UTRN: variants seen among roughly 807,000 people sequenced by gnomAD.
UTRN encodes dystrophin-related protein 1.
A neutral mutation model predicts 463.9 loss-of-function variants in UTRN; 283 were observed. The ratio of observed to expected loss-of-function variants is 0.61; its 90% CI spans 0.55 to 0.67. The LOEUF (loss-of-function observed/expected upper bound fraction) is 0.67. Among genes scored for constraint, UTRN ranks in the 30% least tolerant of loss-of-function variants. The pLI, the probability that UTRN is intolerant of heterozygous loss-of-function variation, is 0.00. For synonymous variants in UTRN, 1,442 were observed against 1,431.5 expected (o/e 1.01, Z -0.17); for missense variants, 3,922 against 4,084.3 (o/e 0.96, Z 1.08).
chr6:144,498,576 C>T (rs754794957), intron 33 of UTRN, among the ~76,000 whole-genome samples: 1 of 151,974 alleles, frequency 6.6e-6, no homozygotes. Context: ...ATCTTATGTT[C>T]AAAATTATAA....
intron 52 of UTRN, among the ~76,000 whole-genome samples, chr6:144,692,156 T>A (rs1354292714): frequency 6.6e-6 from 1 of 152,202 alleles, no homozygotes; most frequent in Non-Finnish European, 1.5e-5. Flanking sequence ...GGTTTTCTGT[T>A]CCTGCATTAG....
intron 2 of UTRN, among the ~76,000 whole-genome samples, chr6:144,357,229 AAGGGT>A (rs1778642954): frequency 6.6e-6 from 1 of 152,204 alleles, no homozygotes; most frequent in Non-Finnish European, 1.5e-5. Context: ...GTGGCTCAGC[AAGGGT>A]AGGAGCCTGT....
intron 53 of UTRN, among the ~76,000 whole-genome samples, chr6:144,725,152 G>C (rs1279219149): frequency 6.6e-6 from 1 of 152,196 alleles, no homozygotes; most frequent in African/African-American, 2.4e-5. Flanking sequence ...TTCCCATGCT[G>C]TTTTTGTGAT....
intron 54 of UTRN, among the ~76,000 whole-genome samples, chr6:144,736,380 G>A (rs80148372): frequency 0.018 from 2,745 of 152,232 alleles, 71 homozygotes; most frequent in African/African-American, 0.06. Flanking sequence ...CCAAGATGGA[G>A]TCACCTCTTT....
chr6:144,449,090 C>A (rs992210065), intron 17 of UTRN, among the ~76,000 whole-genome samples: 1 of 152,058 alleles, frequency 6.6e-6, no homozygotes, highest in Non-Finnish European at 1.5e-5. Flanking sequence ...TCTTTTTATT[C>A]TTTCTTTCAC....
chr6:144,688,313 C>T (rs1782959631), intron 52 of UTRN, among the ~76,000 whole-genome samples: 2 of 151,888 alleles, frequency 1.3e-5, no homozygotes, highest in Non-Finnish European at 1.5e-5. Flanking sequence ...TCACTTTTCT[C>T]TTGTATCTGG....
intron 2 of UTRN, among the ~76,000 whole-genome samples, chr6:144,374,399 T>C (rs1309002090): frequency 6.6e-6 from 1 of 152,002 alleles, no homozygotes; most frequent in East Asian, 2.0e-4. Flanking sequence ...CCCAGCACTT[T>C]GGGAGGCCAA....
intron 13 of UTRN, among the ~76,000 whole-genome samples, chr6:144,441,559 T>A (rs1787164166): frequency 6.6e-6 from 1 of 152,162 alleles, no homozygotes; most frequent in Non-Finnish European, 1.5e-5. Flanking sequence ...CTTTCATGGG[T>A]CAGTGTTGAG....
At chr6:144,797,738 T>A in intron 63 of UTRN, 86 bp from the exon 64 acceptor site, 1 of 1,407,396 alleles carries the variant, frequency 7.1e-7, no homozygotes, top group Non-Finnish European at 9.6e-7. Flanking sequence ...TCTGCACAAA[T>A]TTTCAGAAGA....
intron 65 of UTRN, among the ~76,000 whole-genome samples, chr6:144,819,434 C>T (rs925025677): frequency 5.9e-5 from 9 of 152,008 alleles, no homozygotes; most frequent in African/African-American, 2.2e-4. Context: ...GTGGCTCACA[C>T]CTGTAATCCC....
At chr6:144,754,531 CTTTTTT>C (rs34213856) in intron 56 of UTRN, among the ~76,000 whole-genome samples, 183 bp from the exon 57 acceptor site, 1 of 112,128 alleles carries the variant, frequency 8.9e-6, no homozygotes. Context: ...CAGAAGGAGT[CTTTTTT>C]TTTTTTTTTT....
chr6:144,524,097 C>G (rs1036494243), intron 41 of UTRN, among the ~76,000 whole-genome samples: 13 of 152,194 alleles, frequency 8.5e-5, no homozygotes, highest in African/African-American at 3.1e-4. Context: ...CGCACAAAAA[C>G]TAGGCATCAT....
chr6:144,681,507 C>T (rs1782189808), intron 52 of UTRN, among the ~76,000 whole-genome samples: 2 of 151,894 alleles, frequency 1.3e-5, no homozygotes, highest in Admixed American at 6.6e-5. Context: ...GGAGTAAGAT[C>T]AGGCCTGCAG....
chr6:144,768,730 A>C (rs12663956), intron 58 of UTRN, among the ~76,000 whole-genome samples: 2 of 152,150 alleles, frequency 1.3e-5, no homozygotes, highest in African/African-American at 2.4e-5. Context: ...TTGCATTACT[A>C]TCTGTTTTCT....
chr6:144,401,728 C>T (rs1169557776), intron 2 of UTRN, among the ~76,000 whole-genome samples: 1 of 151,656 alleles, frequency 6.6e-6, no homozygotes. Flanking sequence ...CTTTTAATTA[C>T]AAACTCTCCT....
chr6:144,785,604 TA>T (rs141965394), intron 61 of UTRN, among the ~76,000 whole-genome samples: 9,016 of 152,070 alleles, frequency 0.059, 881 homozygotes, highest in African/African-American at 0.21. Context: ...CTGAACTTTG[TA>T]AAAAAAATTT....
chr6:144,597,470 A>G (rs1216824051), intron 51 of UTRN, among the ~76,000 whole-genome samples: 3 of 152,210 alleles, frequency 2.0e-5, no homozygotes, highest in African/African-American at 7.2e-5. Flanking sequence ...GAGATGAGCA[A>G]CAAAATTGTC....
At chr6:144,477,560 A>G (rs958998856) in intron 25 of UTRN, among the ~76,000 whole-genome samples, 9 of 150,874 alleles carry the variant, frequency 6.0e-5, no homozygotes, top group Admixed American at 6.6e-5. Context: ...ACACACACAC[A>G]CGCACACACC....
At chr6:144,610,498 G>A (rs1452419701) in intron 51 of UTRN, among the ~76,000 whole-genome samples, 2 of 152,118 alleles carry the variant, frequency 1.3e-5, no homozygotes, top group African/African-American at 4.8e-5. Context: ...TATTAATGAA[G>A]AACTAATACC....
Sources: allele counts gnomAD v4.1 joint callset (sites outside exome capture counted in the v4.1 genomes callset), GRCh38; gene constraint gnomAD v4.1.1; transcripts MANE v1.5; gene names NCBI Gene and HGNC (gene_info 2026-07-23, HGNC 2026-07-21).